Variants in PPM1L observed in about 807,000 individuals in gnomAD.
The protein encoded by PPM1L is protein phosphatase, Mg2+/Mn2+ dependent 1L.
In PPM1L, 13 loss-of-function variants were observed where a neutral mutation model predicts 31.4. The ratio of observed to expected loss-of-function variants is 0.41; its 90% CI spans 0.27 to 0.66. PPM1L has a LOEUF of 0.66. Among genes scored for constraint, PPM1L ranks in the 30% least tolerant of loss-of-function variants. The pLI, the probability that PPM1L is intolerant of heterozygous loss-of-function variation, is 0.29. For missense variants in PPM1L, 326 were observed against 453.7 expected (o/e 0.72, Z 2.56); for synonymous variants, 184 against 175.4 (o/e 1.05, Z -0.39).
intron 1 of PPM1L, among the ~76,000 whole-genome samples, chr3:160,795,933 A>G (rs1287725563): frequency 6.6e-6 from 1 of 152,152 alleles, no homozygotes; most frequent in Non-Finnish European, 1.5e-5. Context: ...ACTGATTTCA[A>G]CTAGTTATTT....
intron 2 of PPM1L, among the ~76,000 whole-genome samples, chr3:161,012,207 A>T (rs1173059482): frequency 6.6e-6 from 1 of 152,076 alleles, no homozygotes; most frequent in Non-Finnish European, 1.5e-5. Flanking sequence ...TACCTAATTT[A>T]TTGAGTGTTT....
At chr3:161,011,737 C>G (rs1306239588) in intron 2 of PPM1L, among the ~76,000 whole-genome samples, 1 of 152,092 alleles carries the variant, frequency 6.6e-6, no homozygotes. Context: ...CTTCACATCC[C>G]TTGTAAGTTG....
intron 1 of PPM1L, among the ~76,000 whole-genome samples, chr3:160,955,468 G>T (rs964066573): frequency 1.3e-5 from 2 of 151,634 alleles, no homozygotes; most frequent in Non-Finnish European, 2.9e-5. Context: ...AATTTATCTC[G>T]GGATTCATGC....
intron 1 of PPM1L, among the ~76,000 whole-genome samples, chr3:160,916,381 G>T (rs1013942262): frequency 2.0e-5 from 3 of 152,020 alleles, no homozygotes; most frequent in Non-Finnish European, 4.4e-5. Context: ...ATATATCCTA[G>T]ATATAATTTT....
intron 2 of PPM1L, among the ~76,000 whole-genome samples, chr3:161,054,353 A>C (rs1559938814): frequency 6.6e-6 from 1 of 150,972 alleles, no homozygotes; most frequent in Non-Finnish European, 1.5e-5. Context: ...GAACTTCCTC[A>C]TTGACTGACC....
chr3:160,893,370 CT>C (rs1399470374), intron 1 of PPM1L, among the ~76,000 whole-genome samples: 3 of 152,294 alleles, frequency 2.0e-5, no homozygotes, highest in Non-Finnish European at 4.4e-5. Context: ...TAGTGAACAT[CT>C]TCCCTCCAGC....
chr3:160,990,090 G>A (rs759889981), intron 2 of PPM1L, among the ~76,000 whole-genome samples: 1 of 152,116 alleles, frequency 6.6e-6, no homozygotes, highest in Non-Finnish European at 1.5e-5. Flanking sequence ...AACCTCCTGG[G>A]TTCAAGTGAT....
At chr3:160,865,643 C>T (rs866122650) in intron 1 of PPM1L, among the ~76,000 whole-genome samples, 11 of 152,208 alleles carry the variant, frequency 7.2e-5, no homozygotes, top group Middle Eastern at 3.4e-3. Context: ...GACGTGGTGG[C>T]GTGCGCCTGT....
At chr3:161,042,336 T>C (rs1268069847) in intron 2 of PPM1L, among the ~76,000 whole-genome samples, 1 of 152,234 alleles carries the variant, frequency 6.6e-6, no homozygotes, top group Non-Finnish European at 1.5e-5. Flanking sequence ...AATGAATGAA[T>C]AACTTCAGCC....
chr3:160,873,709 G>A (rs1478587375), intron 1 of PPM1L, among the ~76,000 whole-genome samples: 1 of 151,942 alleles, frequency 6.6e-6, no homozygotes, highest in Non-Finnish European at 1.5e-5. Context: ...CACCAAGCCT[G>A]GCTAATTTTT....
At position 161,001,246 on chromosome 3, in the gene PPM1L, C is replaced by T. The variant is rs139293727; in HGVS notation, c.574+39336C>T. Among the ~76,000 whole-genome samples, 61 of 150,700 alleles carry T rather than the reference C, an allele frequency of 4.0e-4. No homozygotes were observed. In the East Asian group the frequency reaches 0.01, roughly 25 times the overall value. ...ACAAAAACAACAACAACAAAACAAA[C>T]AACAAGAAAATACCCAAGGAACTAA... On this transcript the variant is annotated intron_variant, in intron 2 of 3. Coordinates refer to ENST00000498165, the MANE Select transcript of PPM1L (RefSeq NM_139245.4).
Position 160,798,223 on chromosome 3 carries a change from A to G in PPM1L, c.399+41516A>G, listed in dbSNP as rs772829653. ...AAACAAAAATGCCAGGTGAAGCAGCAAATAATGCAGAAGATATTGCTAAAA... is the reference window on the plus strand; with the variant it reads ...AAACAAAAATGCCAGGTGAAGCAGCGAATAATGCAGAAGATATTGCTAAAA... On this transcript the variant is annotated intron_variant, in intron 1 of 3. Transcript: ENST00000498165. 7.2e-5 allele frequency among the ~76,000 whole-genome samples: 11 copies of G among 152,314 alleles called. No individual in the cohort carries two copies. In the South Asian group the frequency reaches 1.2e-3, roughly 17 times the overall value.
chr3:160,827,577 A>G (rs1051793549), intron 1 of PPM1L, among the ~76,000 whole-genome samples: 1 of 152,008 alleles, frequency 6.6e-6, no homozygotes, highest in Non-Finnish European at 1.5e-5. Flanking sequence ...TGCTACTTTT[A>G]AAGATGACAC....
chr3:160,968,266 C>T (rs1252300427), intron 2 of PPM1L, among the ~76,000 whole-genome samples: 1 of 152,120 alleles, frequency 6.6e-6, no homozygotes, highest in Non-Finnish European at 1.5e-5. Flanking sequence ...TCCAGAGTAA[C>T]AAGTAAGGTG....
intron 1 of PPM1L, among the ~76,000 whole-genome samples, chr3:160,872,913 C>T (rs996168138): frequency 2.6e-5 from 4 of 151,776 alleles, no homozygotes; most frequent in East Asian, 1.9e-4. Context: ...GGCGGCACAG[C>T]GGGACTCTGT....
intron 2 of PPM1L, among the ~76,000 whole-genome samples, chr3:161,062,858 T>C (rs1719615580): frequency 6.6e-6 from 1 of 151,976 alleles, no homozygotes; most frequent in Admixed American, 6.6e-5. Context: ...TCCCCTGGAG[T>C]ACAGGCAAAT....
rs1456052190 is a variant in PPM1L, at chr3:160,842,402, G to A, written c.399+85695G>A. ...ATTCAAATTGGGAGGGGCTTTGAAT[G>A]CCAGGCAAGGGAATTTGGACTTTAT... On this transcript the variant is annotated intron_variant, in intron 1 of 3. Coordinates refer to ENST00000498165, the MANE Select transcript of PPM1L (RefSeq NM_139245.4). 24 of 678,288 alleles carry A rather than the reference G, an allele frequency of 3.5e-5. 1 individual carries two copies. The South Asian group carries it at 3.6e-4, about 10-fold the overall frequency. The allele number at this position is 678,288 out of a possible 1,614,324, so 42.0% of individuals were successfully genotyped here.
At chr3:160,811,537 C>T (rs1420876361) in intron 1 of PPM1L, among the ~76,000 whole-genome samples, 1 of 152,220 alleles carries the variant, frequency 6.6e-6, no homozygotes, top group Non-Finnish European at 1.5e-5. Flanking sequence ...CTCTATCTGG[C>T]TCTTTACAGA....
At chr3:161,015,798 A>C (rs1432679624) in intron 2 of PPM1L, among the ~76,000 whole-genome samples, 1 of 152,158 alleles carries the variant, frequency 6.6e-6, no homozygotes, top group African/African-American at 2.4e-5. Context: ...ATATTGCCCT[A>C]CCCAGAACTT....
Sources: allele counts gnomAD v4.1 joint callset (sites outside exome capture counted in the v4.1 genomes callset), GRCh38; gene constraint gnomAD v4.1.1; transcripts MANE v1.5; gene names NCBI Gene and HGNC (gene_info 2026-07-23, HGNC 2026-07-21).